Variants in PTPRN2 observed in about 807,000 individuals in gnomAD.
The protein encoded by PTPRN2 is receptor-type tyrosine-protein phosphatase N2.
In PTPRN2, 74 loss-of-function variants were observed where a neutral mutation model predicts 118.8. The ratio of observed to expected loss-of-function variants is 0.62; its 90% CI spans 0.52 to 0.76. The LOEUF is 0.76. PTPRN2 is among the 30% of genes least tolerant of loss of function. The pLI, the probability that PTPRN2 is intolerant of heterozygous loss-of-function variation, is 0.00. For synonymous variants in PTPRN2, 641 were observed against 608.0 expected, an observed-to-expected ratio of 1.05 and a Z score of -0.80; for missense variants, 1,481 against 1,394.4, an observed-to-expected ratio of 1.06 and a Z score of -0.99.
rs60629220 is a variant in PTPRN2 at position 157,763,095 on chromosome 7, A to ACCCT, written c.1789-80159_1789-80158insAGGG. On this transcript the variant is annotated intron_variant, in intron 12 of 22. Coordinates refer to ENST00000389418, the MANE Select transcript of PTPRN2 (RefSeq NM_002847.5). The surrounding 1 kb of genome is among the most constrained non-coding windows in gnomAD (Gnocchi z 4.9). The stretch of plus-strand genomic sequence containing the variant: ...CCGCCCACTCATGGTCACAGAGCTA[A>ACCCT]CCATCAGAGCCCACGGCCGCCCACT... Among the ~76,000 whole-genome samples the ACCCT allele has an allele frequency of 1.2e-4, 16 of 129,260 alleles. No homozygotes were observed. Among genetic ancestry groups the ACCCT allele is most frequent in the African/African-American group, 4.4e-4 (14 of 31,988 alleles). The allele number at this position is 129,260 out of a possible 152,430, so 84.8% of individuals were successfully genotyped here.
chr7:157,942,921 C>T (rs565914900), intron 11 of PTPRN2, among the ~76,000 whole-genome samples: 53 of 152,208 alleles, frequency 3.5e-4, no homozygotes, highest in Admixed American at 1.4e-3. Context: ...CCATGCTTCA[C>T]TCCCAAAGTC....
intron 2 of PTPRN2, among the ~76,000 whole-genome samples, chr7:158,483,643 T>C (rs1487229782): frequency 6.6e-6 from 1 of 152,208 alleles, no homozygotes; most frequent in Admixed American, 6.5e-5. Context: ...TCTTGTTTTG[T>C]GTTGGGTTGA....
intron 12 of PTPRN2, among the ~76,000 whole-genome samples, chr7:157,683,560 C>A (rs1172454690): frequency 6.6e-6 from 1 of 152,184 alleles, no homozygotes. Flanking sequence ...TGGTGCAGAC[C>A]ACAACACTTG....
At chr7:158,147,381 C>A (rs1820220234) in intron 6 of PTPRN2, among the ~76,000 whole-genome samples, 1 of 57,280 alleles carries the variant, frequency 1.7e-5, no homozygotes, top group East Asian at 5.0e-4. Context: ...AATGACACCC[C>A]ATCTCACGCC....
intron 12 of PTPRN2, among the ~76,000 whole-genome samples, chr7:157,828,065 T>C (rs1409194756): frequency 6.6e-6 from 1 of 152,116 alleles, no homozygotes; most frequent in Non-Finnish European, 1.5e-5. Flanking sequence ...GGAAGTACAT[T>C]TCGTAAGTTC....
intron 2 of PTPRN2, among the ~76,000 whole-genome samples, chr7:158,404,347 C>CA (rs1813187398): frequency 6.6e-6 from 1 of 152,146 alleles, no homozygotes; most frequent in South Asian, 2.1e-4. Flanking sequence ...GCTGAGGAGA[C>CA]AGAGATTCTG....
chr7:157,833,485 G>A (rs537836684), intron 12 of PTPRN2, among the ~76,000 whole-genome samples: 75 of 146,918 alleles, frequency 5.1e-4, no homozygotes, highest in Non-Finnish European at 8.6e-4. Flanking sequence ...TGGTAAACTC[G>A]TCCAGGAAGT....
intron 12 of PTPRN2, among the ~76,000 whole-genome samples, chr7:157,891,059 G>T (rs915424145): frequency 6.6e-6 from 1 of 151,524 alleles, no homozygotes; most frequent in African/African-American, 2.4e-5. Flanking sequence ...CCTCTGTCCC[G>T]TCCTCTCCTG....
Position 157,729,519 on chromosome 7 carries a change from G to A in PTPRN2, c.1789-46582C>T, listed in dbSNP as rs146009057. ...TTCCCCGAAGGCAGGTGGGCACTGT[G>A]CTGGTGCTGTCCGAGTGGAGCCTCT... On this transcript the variant is annotated intron_variant, in intron 12 of 22. Coordinates refer to ENST00000389418, the MANE Select transcript of PTPRN2 (RefSeq NM_002847.5). The surrounding 1 kb of genome is among the most constrained non-coding windows in gnomAD (Gnocchi z 4.3). Among the ~76,000 whole-genome samples, 1 of 152,344 alleles carries A rather than the reference G, an allele frequency of 6.6e-6. No homozygotes were observed. The highest frequency in any genetic ancestry group is 2.4e-5 in the African/African-American group (1 of 41,582).
intron 4 of PTPRN2, among the ~76,000 whole-genome samples, chr7:158,203,517 G>C (rs1014847970): frequency 1.3e-5 from 2 of 152,090 alleles, no homozygotes; most frequent in Non-Finnish European, 2.9e-5. Flanking sequence ...ATTTCTCAGA[G>C]GCAGGTCCTC....
chr7:158,183,220 T>G (rs2150667156), intron 5 of PTPRN2, among the ~76,000 whole-genome samples: 1 of 152,326 alleles, frequency 6.6e-6, no homozygotes, highest in South Asian at 2.1e-4. Context: ...AGATATTTGG[T>G]TTGTGTCTTT....
At chr7:157,937,595 G>A (rs1490848914) in intron 11 of PTPRN2, among the ~76,000 whole-genome samples, 1 of 152,342 alleles carries the variant, frequency 6.6e-6, no homozygotes, top group East Asian at 1.9e-4. Context: ...CCACCCAGGA[G>A]AAGCCGCTTA....
chr7:157,756,153 G>T (rs1238655427), intron 12 of PTPRN2, among the ~76,000 whole-genome samples: 5 of 152,164 alleles, frequency 3.3e-5, no homozygotes, highest in South Asian at 4.1e-4. Flanking sequence ...AAAGAATTAC[G>T]TGTATGTGTT....
chr7:157,569,176 C>G (rs1799640249), intron 20 of PTPRN2, among the ~76,000 whole-genome samples: 1 of 152,266 alleles, frequency 6.6e-6, no homozygotes, highest in South Asian at 2.1e-4. Context: ...CTCTGAGCAG[C>G]TTGTAGCTTG....
intron 5 of PTPRN2, among the ~76,000 whole-genome samples, chr7:158,186,941 T>A (rs1332041181): frequency 6.6e-6 from 1 of 152,254 alleles, no homozygotes; most frequent in Non-Finnish European, 1.5e-5. Context: ...ATCAGCTAGT[T>A]AATGGTATTG....
chr7:158,565,767 G>A lies in PTPRN2; in HGVS notation c.112+21791C>T, dbSNP rs1406346757. Among the ~76,000 whole-genome samples, 1 of 152,182 alleles carries A rather than the reference G, an allele frequency of 6.6e-6. No individual in the cohort carries two copies. Among genetic ancestry groups the A allele is most frequent in the African/African-American group, 2.4e-5 (1 of 41,438 alleles). On this transcript the variant is annotated intron_variant, in intron 1 of 22. Coordinates refer to ENST00000389418, the MANE Select transcript of PTPRN2 (RefSeq NM_002847.5). This position sits in a 1 kb window ranked among gnomAD's most constrained non-coding sequence, Gnocchi z 4.6. Reference sequence around the variant, plus strand: ...CCTGGAGGCAGGCACTGTTCCCGTAGTTACCCGCACGTCTAGAGACTGTCC... The same window carrying A: ...CCTGGAGGCAGGCACTGTTCCCGTAATTACCCGCACGTCTAGAGACTGTCC...
At chr7:158,537,382 A>T (rs568651269) in intron 1 of PTPRN2, 1 of 152,340 alleles carries the variant, frequency 6.6e-6, no homozygotes, top group East Asian at 1.9e-4. Context: ...CAAGGCCCAA[A>T]CGAGGAAGCA....
chr7:158,020,567 A>G (rs1162865108), intron 11 of PTPRN2, among the ~76,000 whole-genome samples: 1 of 152,148 alleles, frequency 6.6e-6, no homozygotes, highest in African/African-American at 2.4e-5. Flanking sequence ...GCCCGGGGTC[A>G]TGGTGAAGCC....
intron 3 of PTPRN2, among the ~76,000 whole-genome samples, chr7:158,213,527 A>G (rs913680534): frequency 9.2e-5 from 14 of 152,212 alleles, no homozygotes; most frequent in African/African-American, 3.1e-4. Context: ...TATATCACTT[A>G]GAGTATAGGT....
Sources: allele counts gnomAD v4.1 joint callset (sites outside exome capture counted in the v4.1 genomes callset), GRCh38; gene constraint gnomAD v4.1.1; non-coding constraint Gnocchi (gnomAD v3.1); transcripts MANE v1.5; gene names NCBI Gene and HGNC (gene_info 2026-07-23, HGNC 2026-07-21).